The following TWIST2 variants were observed in gnomAD, a reference collection of about 807,000 sequenced individuals.
TWIST2 encodes twist-related protein 2.
In TWIST2, 1 loss-of-function variant was observed where a neutral mutation model predicts 11.6. The observed-to-expected ratio is 0.09, with a 90% CI of 0.03 to 0.41. TWIST2 has a LOEUF of 0.41. Among genes scored for constraint, TWIST2 ranks in the 10% least tolerant of loss-of-function variants. The probability of loss-of-function intolerance (pLI) is 0.98; values close to 1 mark genes in which losing one functional copy is unlikely to be tolerated. For synonymous variants in TWIST2, 87 were observed against 96.6 expected, an observed-to-expected ratio of 0.90 and a Z score of 0.58; for missense variants, 168 against 226.4, an observed-to-expected ratio of 0.74 and a Z score of 1.66.
At chr2:238,897,079 A>G (rs1399902656) in intron 1 of TWIST2, among the ~76,000 whole-genome samples, 1 of 152,164 alleles carries the variant, frequency 6.6e-6, no homozygotes, top group African/African-American at 2.4e-5. Context: ...TTCAAGAGAG[A>G]ACAGAGCCTG....
At chr2:238,882,553 G>A (rs553156110) in intron 1 of TWIST2, among the ~76,000 whole-genome samples, 14 of 152,116 alleles carry the variant, frequency 9.2e-5, no homozygotes, top group African/African-American at 3.4e-4. Flanking sequence ...GATCATTTGA[G>A]CCTCTTCACC....
At position 238,848,443 on chromosome 2, in the gene TWIST2, C is replaced by A. The variant is rs1319927807; in HGVS notation, c.228C>A (p.Arg76=). The part of the protein sequence containing the change: ...SQRILANVRE[R]QRTQSLNEAF... The stretch of plus-strand genomic sequence containing the variant: ...GCATCCTGGCCAACGTGCGCGAGCG[C>A]CAGCGCACCCAGTCGCTCAACGAGG... The change falls in exon 1 of 2, where the codon CGC becomes CGA. Residue 76 remains arginine, a synonymous_variant. Transcript: ENST00000612363. 2.6e-6 allele frequency: 4 copies of A among 1,550,486 alleles called. No individual in the cohort carries two copies. In the South Asian group the frequency reaches 4.7e-5, roughly 18 times the overall value.
rs972802281 is a variant in TWIST2, at chr2:238,864,917, G to T, written c.*35+16184G>T. Among the ~76,000 whole-genome samples the T allele has an allele frequency of 6.6e-6, 1 of 152,172 alleles. No individual in the cohort carries two copies. Among genetic ancestry groups the T allele is most frequent in the Admixed American group, 6.5e-5 (1 of 15,286 alleles). On this transcript the variant is annotated intron_variant, in intron 1 of 1. Transcript: ENST00000612363. This position sits in a 1 kb window ranked among gnomAD's most constrained non-coding sequence, Gnocchi z 4.7. ...CGCCAGGAGCAGAGAGCTCCGGAAGGCCTGCCGGGAGGACCTGGAGGATGC... is the reference window on the plus strand; with the variant it reads ...CGCCAGGAGCAGAGAGCTCCGGAAGTCCTGCCGGGAGGACCTGGAGGATGC...
rs1330050877 is a variant in TWIST2, at chr2:238,864,206, G to T, written c.*35+15473G>T. ...GGGGAAGGGGCTGGAGGTGAGGGGG[G>T]ACCTCTCGGGCTGTGCCGTGGTATC... On this transcript the variant is annotated intron_variant, in intron 1 of 1. Coordinates refer to ENST00000612363, the MANE Select transcript of TWIST2 (RefSeq NM_001271893.4). This position sits in a 1 kb window ranked among gnomAD's most constrained non-coding sequence, Gnocchi z 4.7. 1.3e-5 allele frequency among the ~76,000 whole-genome samples: 2 copies of T among 151,342 alleles called. No individual in the cohort carries two copies. Among genetic ancestry groups the T allele is most frequent in the Non-Finnish European group, 2.9e-5 (2 of 67,864 alleles).
intron 1 of TWIST2, among the ~76,000 whole-genome samples, chr2:238,906,373 T>C (rs1693356221): frequency 6.7e-6 from 1 of 149,812 alleles, no homozygotes; most frequent in Non-Finnish European, 1.5e-5. Flanking sequence ...CACGTGGATG[T>C]ACACACTTAC....
intron 1 of TWIST2, among the ~76,000 whole-genome samples, chr2:238,886,095 C>CA (rs67714100): frequency 0.031 from 3,872 of 123,178 alleles, 71 homozygotes; most frequent in South Asian, 0.042. Flanking sequence ...GACTCCATCT[C>CA]AAAAAAAAAA....
In TWIST2 at chr2:238,864,588, G is replaced by C. The variant is rs1692498348; in HGVS notation, c.*35+15855G>C. ...GGGAGGGGAGAACTAAGGGCACCAGGCAGCCCACCCGGCCCGGCCAAGACC... is the reference window on the plus strand; with the variant it reads ...GGGAGGGGAGAACTAAGGGCACCAGCCAGCCCACCCGGCCCGGCCAAGACC... On this transcript the variant is annotated intron_variant, in intron 1 of 1. Coordinates refer to ENST00000612363, the MANE Select transcript of TWIST2 (RefSeq NM_001271893.4). This position sits in a 1 kb window ranked among gnomAD's most constrained non-coding sequence, Gnocchi z 4.7. Among the ~76,000 whole-genome samples the C allele has an allele frequency of 6.6e-6, 1 of 152,128 alleles. No individual in the cohort carries two copies. Among genetic ancestry groups the C allele is most frequent in the African/African-American group, 2.4e-5 (1 of 41,426 alleles).
At chr2:238,890,136 G>A (rs920027442) in intron 1 of TWIST2, among the ~76,000 whole-genome samples, 8 of 152,080 alleles carry the variant, frequency 5.3e-5, no homozygotes, top group Admixed American at 1.3e-4. Flanking sequence ...TGGAGCATCC[G>A]GAGCAAAGGC....
At chr2:238,884,799 A>G (rs917755108) in intron 1 of TWIST2, among the ~76,000 whole-genome samples, 40 of 152,224 alleles carry the variant, frequency 2.6e-4, no homozygotes, top group African/African-American at 8.0e-4. Context: ...TTCCGGAAGC[A>G]TGGCCGGAAA....
intron 1 of TWIST2, among the ~76,000 whole-genome samples, chr2:238,865,459 G>A (rs1288104815): frequency 6.6e-6 from 1 of 152,242 alleles, no homozygotes; most frequent in Non-Finnish European, 1.5e-5. Flanking sequence ...AGGTGCTCCT[G>A]TGTTGGGAGC....
At chr2:238,851,200 G>A (rs1487157654) in intron 1 of TWIST2, among the ~76,000 whole-genome samples, 1 of 152,234 alleles carries the variant, frequency 6.6e-6, no homozygotes, top group African/African-American at 2.4e-5. Flanking sequence ...AGCAACAGCA[G>A]CACAAAGCCT....
intron 1 of TWIST2, among the ~76,000 whole-genome samples, chr2:238,859,094 T>G (rs985619424): frequency 3.3e-5 from 5 of 151,426 alleles, no homozygotes; most frequent in Admixed American, 1.3e-4. Context: ...CGCTTATAGT[T>G]CCAGCTACTC....
intron 1 of TWIST2, among the ~76,000 whole-genome samples, chr2:238,903,230 G>A (rs1693300029): frequency 1.4e-5 from 2 of 147,166 alleles, no homozygotes; most frequent in South Asian, 4.5e-4. Context: ...TATGTGATGG[G>A]TGTGGAATGG....
chr2:238,854,524 C>A (rs1453004959), intron 1 of TWIST2, among the ~76,000 whole-genome samples: 1 of 152,196 alleles, frequency 6.6e-6, no homozygotes, highest in Admixed American at 6.5e-5. Flanking sequence ...AGCAGCTCCC[C>A]CCAGGAGGGG....
At chr2:238,869,157 T>C (rs548427665) in intron 1 of TWIST2, among the ~76,000 whole-genome samples, 244 of 152,298 alleles carry the variant, frequency 1.6e-3, no homozygotes, top group African/African-American at 5.6e-3. Context: ...CAACGTGGAC[T>C]TGTTTGCACA....
intron 1 of TWIST2, among the ~76,000 whole-genome samples, chr2:238,901,985 G>C (rs1479855706): frequency 1.3e-5 from 2 of 152,228 alleles, no homozygotes; most frequent in African/African-American, 4.8e-5. Context: ...TGGAGGCAAA[G>C]CCTCCTCCGC....
At chr2:238,883,905 T>G (rs1278257955) in intron 1 of TWIST2, among the ~76,000 whole-genome samples, 2 of 151,986 alleles carry the variant, frequency 1.3e-5, no homozygotes, top group Non-Finnish European at 2.9e-5. Context: ...CCGATCAGAG[T>G]CGCTGGGTGA....
intron 1 of TWIST2, among the ~76,000 whole-genome samples, chr2:238,850,740 AATAG>A (rs1002119157): frequency 1.3e-5 from 2 of 152,234 alleles, no homozygotes; most frequent in Non-Finnish European, 2.9e-5. Context: ...TTGAAAATAT[AATAG>A]ATAATTACAC....
chr2:238,852,300 A>G (rs1692256663), intron 1 of TWIST2, among the ~76,000 whole-genome samples: 1 of 152,234 alleles, frequency 6.6e-6, no homozygotes, highest in African/African-American at 2.4e-5. Flanking sequence ...TAGTATTTAT[A>G]TTAATCTATT....
Sources: allele counts gnomAD v4.1 joint callset (sites outside exome capture counted in the v4.1 genomes callset), GRCh38; gene constraint gnomAD v4.1.1; non-coding constraint Gnocchi (gnomAD v3.1); transcripts MANE v1.5; gene names NCBI Gene and HGNC (gene_info 2026-07-23, HGNC 2026-07-21).